Variants in TPRG1 observed in about 807,000 individuals in gnomAD.
The protein encoded by TPRG1 is tumor protein p63-regulated gene 1 protein.
In TPRG1, 29 loss-of-function variants were observed where a neutral mutation model predicts 29.3. The ratio of observed to expected loss-of-function variants is 0.99; its 90% CI spans 0.74 to 1.35. TPRG1 has a LOEUF of 1.35. Among genes scored for constraint, TPRG1 ranks in the 40% most tolerant of loss-of-function variants. TPRG1 has a pLI of 0.00. For synonymous variants in TPRG1, 130 were observed against 116.8 expected, an observed-to-expected ratio of 1.11 and a Z score of -0.73; for missense variants, 327 against 335.0, an observed-to-expected ratio of 0.98 and a Z score of 0.19.
chr3:189,228,137 G>A (rs948819593), intron 3 of TPRG1, among the ~76,000 whole-genome samples: 10 of 152,040 alleles, frequency 6.6e-5, no homozygotes, highest in African/African-American at 2.2e-4. Context: ...AACAGCAATA[G>A]CAACAACGAC....
intron 5 of TPRG1, among the ~76,000 whole-genome samples, chr3:189,165,023 C>T (rs987412717): frequency 6.6e-6 from 1 of 152,130 alleles, no homozygotes; most frequent in Non-Finnish European, 1.5e-5. Context: ...AGCTCCAGCC[C>T]CCATCTCTGT....
intron 5 of TPRG1, among the ~76,000 whole-genome samples, chr3:189,159,840 ATGTG>A (rs57781182): frequency 0.12 from 15,997 of 138,490 alleles, 1,008 homozygotes; most frequent in African/African-American, 0.18. Context: ...GTGTTTGTGT[ATGTG>A]TGTGTGTGTG....
At chr3:189,131,995 C>A (rs1723159797) in intron 2 of TPRG1, among the ~76,000 whole-genome samples, 1 of 152,136 alleles carries the variant, frequency 6.6e-6, no homozygotes, top group African/African-American at 2.4e-5. Flanking sequence ...CTTCTCTAGT[C>A]CTCAGTTTCT....
intron 4 of TPRG1, among the ~76,000 whole-genome samples, chr3:189,305,486 G>A (rs1456388955): frequency 6.6e-6 from 1 of 152,212 alleles, no homozygotes. Flanking sequence ...CCACTAGTAT[G>A]AGCAGTTTCT....
intron 3 of TPRG1, among the ~76,000 whole-genome samples, chr3:189,018,056 T>C (rs1378246952): frequency 2.4e-4 from 37 of 152,106 alleles, no homozygotes; most frequent in Admixed American, 2.0e-3. Flanking sequence ...TCATGTCCTT[T>C]GCCCACTTTT....
chr3:189,217,997 C>T (rs1226920684), intron 3 of TPRG1: 2 of 985,320 alleles, frequency 2.0e-6, no homozygotes, highest in African/African-American at 3.5e-5. Context: ...CATGCAGGCC[C>T]AGAAAGGTAA....
intron 4 of TPRG1, among the ~76,000 whole-genome samples, chr3:189,051,085 G>A (rs1373013132): frequency 1.3e-5 from 2 of 152,124 alleles, no homozygotes; most frequent in Non-Finnish European, 2.9e-5. Context: ...CCTAGCCAGA[G>A]CAATCAGACA....
upstream of TPRG1, among the ~76,000 whole-genome samples, chr3:189,099,394 G>C (rs1718918426): frequency 6.6e-6 from 1 of 152,072 alleles, no homozygotes; most frequent in South Asian, 2.1e-4. Flanking sequence ...GGAATAGGAG[G>C]GGTTGTGGGT....
chr3:189,000,614 G>A (rs974867145), intron 1 of TPRG1, among the ~76,000 whole-genome samples: 8 of 151,902 alleles, frequency 5.3e-5, no homozygotes, highest in Admixed American at 5.3e-4. Flanking sequence ...CATGTGTGTG[G>A]CTCTGTTTTT....
intron 1 of TPRG1, among the ~76,000 whole-genome samples, chr3:189,104,624 G>A (rs552597400): frequency 8.6e-4 from 131 of 151,762 alleles, no homozygotes; most frequent in Middle Eastern, 6.8e-3. Flanking sequence ...TTCAGAAGAC[G>A]AACAGAAACT....
intron 4 of TPRG1, among the ~76,000 whole-genome samples, chr3:189,243,265 C>G (rs1266862576): frequency 1.3e-5 from 2 of 152,124 alleles, no homozygotes; most frequent in African/African-American, 4.8e-5. Flanking sequence ...CTACATACTT[C>G]TAAGTGACCA....
chr3:189,317,693 T>C (rs1723759351), intron 5 of TPRG1, among the ~76,000 whole-genome samples: 1 of 152,170 alleles, frequency 6.6e-6, no homozygotes, highest in African/African-American at 2.4e-5. Flanking sequence ...GAGAGGGTGA[T>C]TTTTCCCATG....
chr3:189,227,793 A>G (rs1283475737), intron 3 of TPRG1, among the ~76,000 whole-genome samples: 27 of 152,204 alleles, frequency 1.8e-4, no homozygotes, highest in Admixed American at 1.8e-3. Flanking sequence ...TGCCAGAGAG[A>G]CCCTGGCTCT....
Position 189,238,867 on chromosome 3 carries a change from T to C in TPRG1, c.437T>C (p.Ile146Thr). The C allele has an allele frequency of 8.7e-6, 14 of 1,613,620 alleles. No individual in the cohort carries two copies. Among genetic ancestry groups the C allele is most frequent in the Non-Finnish European group, 1.2e-5 (14 of 1,179,654 alleles). Reference sequence around the variant, plus strand: ...ATTCCTCTGAGCGCTGTCTATCGCATCTGCCTGGGCAAGTTCACCTTCCCT... The same window carrying C: ...ATTCCTCTGAGCGCTGTCTATCGCACCTGCCTGGGCAAGTTCACCTTCCCT... ...QRIPLSAVYR[I>T]CLGKFTFPGM... The change falls in exon 4 of 6, where the codon ATC becomes ACC. Residue 146 changes from isoleucine to threonine, a missense_variant. By Grantham distance (89) the Ile-to-Thr change is moderately conservative. Coordinates refer to ENST00000345063, the MANE Select transcript of TPRG1 (RefSeq NM_198485.4).
intron 5 of TPRG1, among the ~76,000 whole-genome samples, chr3:189,312,758 A>C (rs576577824): frequency 1.3e-5 from 2 of 152,356 alleles, no homozygotes; most frequent in South Asian, 4.1e-4. Flanking sequence ...TAAAATATCA[A>C]AGAGGGTATG....
At chr3:189,181,744 A>G (rs1429472831) in intron 1 of TPRG1, among the ~76,000 whole-genome samples, 1 of 152,198 alleles carries the variant, frequency 6.6e-6, no homozygotes, top group Non-Finnish European at 1.5e-5. Flanking sequence ...CCTGTTATCC[A>G]GTTCCAAAGT....
intron 2 of TPRG1, among the ~76,000 whole-genome samples, chr3:189,213,583 TTG>T (rs1337853810): frequency 3.3e-5 from 5 of 152,182 alleles, no homozygotes; most frequent in African/African-American, 7.2e-5. Context: ...GCTTTATTTT[TTG>T]TGTCTGACTT....
At chr3:189,313,607 G>A (rs1465766592) in intron 5 of TPRG1, among the ~76,000 whole-genome samples, 1 of 152,110 alleles carries the variant, frequency 6.6e-6, no homozygotes, top group Admixed American at 6.6e-5. Flanking sequence ...TAAAATACAT[G>A]AAAATATTCA....
rs150929988 is a variant in TPRG1, at chr3:189,206,698, G to A, written c.-9-678G>A. Among the ~76,000 whole-genome samples the A allele has an allele frequency of 3.3e-4, 50 of 151,634 alleles. 1 individual carries two copies. In the East Asian group the frequency reaches 9.2e-3, roughly 28 times the overall value. ...GTATTTTTTGTAGAGACTGGGTTTC[G>A]CCATGTTGCCCAGGCTGGTCTCAAA... On this transcript the variant is annotated intron_variant, in intron 1 of 5. Coordinates refer to ENST00000345063, the MANE Select transcript of TPRG1 (RefSeq NM_198485.4).
Sources: allele counts gnomAD v4.1 joint callset (sites outside exome capture counted in the v4.1 genomes callset), GRCh38; gene constraint gnomAD v4.1.1; transcripts MANE v1.5; gene names NCBI Gene and HGNC (gene_info 2026-07-23, HGNC 2026-07-21).